The following RNASET2 variants were observed in gnomAD, a reference collection of about 807,000 sequenced individuals.
RNASET2 encodes ribonuclease 6.
RNASET2 carries 28 observed loss-of-function variants against 33.9 expected under a neutral mutation model. The observed-to-expected ratio is 0.83, with a 90% CI of 0.61 to 1.13. The LOEUF (loss-of-function observed/expected upper bound fraction) is 1.13, where lower values mean the gene tolerates loss of function less well. Among genes scored for constraint, RNASET2 ranks in the 50% most tolerant of loss-of-function variants. RNASET2 has a pLI of 0.00. For missense variants in RNASET2, 330 were observed against 319.9 expected (o/e 1.03, Z -0.24); for synonymous variants, 123 against 121.0 (o/e 1.02, Z -0.11).
At position 166,943,009 on chromosome 6, in the gene RNASET2, T is replaced by C; in HGVS notation, c.332+10A>G. 6.2e-7 allele frequency: 1 copy of C among 1,612,108 alleles called. No homozygotes were observed. Among genetic ancestry groups the C allele is most frequent in the Non-Finnish European group, 8.5e-7 (1 of 1,178,358 alleles). On this transcript the variant is annotated intron_variant, in intron 5 of 8. Transcript: ENST00000508775. The stretch of plus-strand genomic sequence containing the variant: ...AGTAATCAAGACAGCAATCAGAGGC[T>C]GGGACTTACCAGAAGCGGCTGCGAT...
chr6:166,922,782 G>C lies in RNASET2; in HGVS notation c.*6806C>G, dbSNP rs1274165065. On this transcript the variant is annotated 3_prime_UTR_variant, in exon 9 of 9. Transcript: ENST00000508775. ...AGTAGCTGTGTTCAGTACTGGGGCAGCACGAGCAGCCCACATCTCAGGGTG... is the reference window on the plus strand; with the variant it reads ...AGTAGCTGTGTTCAGTACTGGGGCACCACGAGCAGCCCACATCTCAGGGTG... Among the ~76,000 whole-genome samples, 1 of 152,174 alleles carries C rather than the reference G, an allele frequency of 6.6e-6. No individual in the cohort carries two copies. Among genetic ancestry groups the C allele is most frequent in the African/African-American group, 2.4e-5 (1 of 41,444 alleles).
At chr6:166,935,788 C>T (rs1205887694) in intron 6 of RNASET2, among the ~76,000 whole-genome samples, 1 of 152,194 alleles carries the variant, frequency 6.6e-6, no homozygotes, top group Non-Finnish European at 1.5e-5. Context: ...AGAGATTCTC[C>T]TGCCTCAGCC....
intron 1 of RNASET2, among the ~76,000 whole-genome samples, chr6:166,954,126 G>T (rs1779050903): frequency 6.6e-6 from 1 of 151,352 alleles, no homozygotes; most frequent in African/African-American, 2.4e-5. Flanking sequence ...CCACACAGAT[G>T]CCCCCCTCCC....
chr6:166,935,756 C>T (rs898921604), intron 6 of RNASET2, among the ~76,000 whole-genome samples: 1 of 152,226 alleles, frequency 6.6e-6, no homozygotes, highest in Non-Finnish European at 1.5e-5. Context: ...CGACTCACTG[C>T]AACCTCCGCC....
rs1462109097 is a variant in RNASET2 at position 166,923,206 on chromosome 6, GGCGTGAGCCACCA to G, written c.*6369_*6381del. Among the ~76,000 whole-genome samples the G allele has an allele frequency of 2.7e-3, 404 of 149,566 alleles. 4 individuals are homozygous for G. The highest frequency in any genetic ancestry group is 9.8e-3 in the African/African-American group (391 of 39,758). Reference sequence around the variant, plus strand: ...AGCCTCCCAGAGGGCTGGGATTACAGGCGTGAGCCACCAGGCCCGGCCTTTTTTTTTTTTTTTT... The same window carrying G: ...AGCCTCCCAGAGGGCTGGGATTACAGGGCCCGGCCTTTTTTTTTTTTTTTT... On this transcript the variant is annotated 3_prime_UTR_variant, in exon 9 of 9. Coordinates refer to ENST00000508775, the MANE Select transcript of RNASET2 (RefSeq NM_003730.6).
intron 6 of RNASET2, 107 bp from the exon 7 acceptor site, chr6:166,934,243 G>GA (rs371620473): frequency 5.1e-6 from 4 of 789,158 alleles, no homozygotes; most frequent in South Asian, 2.8e-5. Context: ...ACTCTTAAAG[G>GA]AAAGTGTTTT....
chr6:166,940,894 C>T (rs575889835), intron 5 of RNASET2, among the ~76,000 whole-genome samples: 2 of 152,172 alleles, frequency 1.3e-5, no homozygotes, highest in African/African-American at 4.8e-5. Flanking sequence ...TCACCCAGCC[C>T]GCTCGGCCAC....
chr6:166,956,119 C>T lies in RNASET2; in HGVS notation c.64G>A (p.Gly22Ser), dbSNP rs1240909002. 1 of 1,552,378 alleles carries T rather than the reference C, an allele frequency of 6.4e-7. No homozygotes were observed. Among genetic ancestry groups the T allele is most frequent in the Non-Finnish European group, 8.7e-7 (1 of 1,147,334 alleles). The change falls in exon 1 of 9, where the codon GGC becomes AGC. Residue 22 changes from glycine (G) to serine (S), a missense_variant. By Grantham distance (56) the Gly-to-Ser change is moderately conservative. Coordinates refer to ENST00000508775, the MANE Select transcript of RNASET2 (RefSeq NM_003730.6). ...CACCGCAGGCGCTTGTCCGCACCGC[C>T]CAGGCAAAGCAACGCCAGGCAGAGG... ...GCLCLALLCLGGADKRLRDNH... is the reference protein window; with the variant it reads ...GCLCLALLCLSGADKRLRDNH...
At chr6:166,944,907 A>T (rs1031150017) in intron 4 of RNASET2, among the ~76,000 whole-genome samples, 1 of 144,044 alleles carries the variant, frequency 6.9e-6, no homozygotes, top group African/African-American at 2.6e-5. Context: ...GCCCACCCAC[A>T]TCCGTCAGCC....
At chr6:166,943,164 A>T (rs1247072483) in intron 4 of RNASET2, 75 bp from the exon 5 acceptor site, 1 of 1,024,938 alleles carries the variant, frequency 9.8e-7, no homozygotes, top group East Asian at 2.5e-5. Flanking sequence ...TAAATTTGAT[A>T]AACTGACACC....
chr6:166,947,116 C>T (rs1476091709), intron 3 of RNASET2, among the ~76,000 whole-genome samples: 3 of 152,044 alleles, frequency 2.0e-5, no homozygotes, highest in South Asian at 2.1e-4. Context: ...AGCTGACCCC[C>T]GGCCAATCTC....
At chr6:166,946,878 G>C in intron 3 of RNASET2, 139 bp from the exon 4 acceptor site, 1 of 707,312 alleles carries the variant, frequency 1.4e-6, no homozygotes, top group Non-Finnish European at 2.6e-6. Flanking sequence ...CCTTATCCCA[G>C]GCAGGATGCT....
rs550985465 is a variant in RNASET2 at position 166,924,262 on chromosome 6, G to A, written c.*5326C>T. 1.2e-3 allele frequency among the ~76,000 whole-genome samples: 184 copies of A among 152,122 alleles called. No homozygotes were observed. The highest frequency in any genetic ancestry group is 4.4e-3 in the African/African-American group (181 of 41,492). On this transcript the variant is annotated 3_prime_UTR_variant, in exon 9 of 9. Coordinates refer to ENST00000508775, the MANE Select transcript of RNASET2 (RefSeq NM_003730.6). The stretch of plus-strand genomic sequence containing the variant: ...ACTACAGGTGCCCGCCACCATGCCC[G>A]GCCAATTTTTGTATTTTTAGTAGAG...
At chr6:166,950,725 G>C (rs553721033) in intron 2 of RNASET2, among the ~76,000 whole-genome samples, 1 of 152,334 alleles carries the variant, frequency 6.6e-6, no homozygotes, top group Admixed American at 6.5e-5. Context: ...GAAGGGATGT[G>C]GGCATGGAGC....
In RNASET2 at chr6:166,929,148, C is replaced by T. The variant is rs1778351864; in HGVS notation, c.*440G>A. Among the ~76,000 whole-genome samples, 2 of 152,224 alleles carry T rather than the reference C, an allele frequency of 1.3e-5. No individual in the cohort carries two copies. The highest frequency in any genetic ancestry group is 4.8e-5 in the African/African-American group (2 of 41,464). On this transcript the variant is annotated 3_prime_UTR_variant, in exon 9 of 9. Coordinates refer to ENST00000508775, the MANE Select transcript of RNASET2 (RefSeq NM_003730.6). Reference sequence around the variant, plus strand: ...GAACAGACCCAGTCTGAGCTAGAGACACCCCCCAGGCCCACCAGGCATCAG... The same window carrying T: ...GAACAGACCCAGTCTGAGCTAGAGATACCCCCCAGGCCCACCAGGCATCAG...
chr6:166,935,881 G>A (rs1249657024), intron 6 of RNASET2, among the ~76,000 whole-genome samples: 2 of 152,076 alleles, frequency 1.3e-5, no homozygotes, highest in African/African-American at 4.8e-5. Context: ...CACCATGTTG[G>A]CCAGGCTGTT....
In RNASET2 at chr6:166,922,128, A is replaced by G. The variant is rs1027953365; in HGVS notation, c.*7460T>C. ...ATTAATTCTCTCTGTTTTTAAAGAC[A>G]GCTTCCACTTTTTATTGATAACTAT... On this transcript the variant is annotated 3_prime_UTR_variant, in exon 9 of 9. Coordinates refer to ENST00000508775, the MANE Select transcript of RNASET2 (RefSeq NM_003730.6). 6.6e-6 allele frequency among the ~76,000 whole-genome samples: 1 copy of G among 152,224 alleles called. No homozygotes were observed. The highest frequency in any genetic ancestry group is 2.4e-5 in the African/African-American group (1 of 41,454).
At chr6:166,932,854 C>T (rs1778480605) in intron 7 of RNASET2, 1 of 152,072 alleles carries the variant, frequency 6.6e-6, no homozygotes. Context: ...CACATGAGTC[C>T]AGGTGAGGAC....
intron 1 of RNASET2, chr6:166,955,571 G>A: frequency 2.0e-6 from 2 of 987,978 alleles, no homozygotes; most frequent in Non-Finnish European, 2.4e-6. Flanking sequence ...TCGAGTGCAG[G>A]AACAGTGCTC....
Sources: allele counts gnomAD v4.1 joint callset (sites outside exome capture counted in the v4.1 genomes callset), GRCh38; gene constraint gnomAD v4.1.1; transcripts MANE v1.5; gene names NCBI Gene and HGNC (gene_info 2026-07-23, HGNC 2026-07-21).